Variants in PLA2G4C observed in about 807,000 individuals in gnomAD.
PLA2G4C encodes the protein phospholipase A2 group IVC.
PLA2G4C carries 64 observed loss-of-function variants against 73.8 expected under a neutral mutation model. The ratio of observed to expected loss-of-function variants is 0.87; its 90% confidence interval spans 0.71 to 1.07. PLA2G4C has a LOEUF of 1.07. PLA2G4C is among the 50% of genes least tolerant of loss of function. The pLI is 0.00. For synonymous variants in PLA2G4C, 254 were observed against 252.1 expected (o/e 1.01, Z -0.07); for missense variants, 622 against 665.4 (o/e 0.93, Z 0.72).
Position 48,062,129 on chromosome 19 carries a change from T to C in PLA2G4C, c.1126A>G (p.Ser376Gly), listed in dbSNP as rs1968207665. ...ACCAGGTGGAGGTGCTTCCGGCTGC[T>C]CATTATCTTGTCCCGGATGCCACCT... ...KHGGIRDKIM[S>G]SRKHLHLVDA... Residue 376 changes from serine (S) to glycine (G), a missense_variant, in exon 14 of 17, where the codon AGC becomes GGC. Physicochemically the swap from Ser to Gly is moderately conservative, Grantham distance 56. Coordinates refer to ENST00000599921, the MANE Select transcript of PLA2G4C (RefSeq NM_003706.3). 1.3e-6 allele frequency: 2 copies of C among 1,594,794 alleles called. No individual in the cohort carries two copies. Among genetic ancestry groups the C allele is most frequent in the Non-Finnish European group, 1.7e-6 (2 of 1,169,716 alleles).
intron 4 of PLA2G4C, among the ~76,000 whole-genome samples, chr19:48,102,189 C>T (rs1169826368): frequency 6.6e-6 from 1 of 151,910 alleles, no homozygotes; most frequent in Non-Finnish European, 1.5e-5. Context: ...CTTGAAGAGG[C>T]TACTAGAAAA....
At chr19:48,092,608 C>T (rs142746370) in intron 7 of PLA2G4C, among the ~76,000 whole-genome samples, 2 of 152,314 alleles carry the variant, frequency 1.3e-5, no homozygotes, top group Non-Finnish European at 2.9e-5. Context: ...CATGGTACAA[C>T]ATGGATGAAC....
Position 48,048,101 on chromosome 19 carries a change from A to T in PLA2G4C, c.*242T>A. 1 of 516,540 alleles carries T rather than the reference A, an allele frequency of 1.9e-6. No homozygotes were observed. The allele number at this position is 516,540 out of a possible 1,614,324, so 32.0% of individuals were successfully genotyped here. On this transcript the variant is annotated 3_prime_UTR_variant, in exon 17 of 17. Coordinates refer to ENST00000599921, the MANE Select transcript of PLA2G4C (RefSeq NM_003706.3). ...CAGACACTCATGCTCCAGCTCCAGG[A>T]TCTCCCGAGGGACCTGCAGGACAAA...
intron 7 of PLA2G4C, among the ~76,000 whole-genome samples, chr19:48,094,940 A>C (rs754824477): frequency 3.2e-4 from 49 of 152,104 alleles, no homozygotes; most frequent in Middle Eastern, 3.2e-3. Context: ...GCTGGAGTGC[A>C]GTGGGGCGAT....
intron 5 of PLA2G4C, among the ~76,000 whole-genome samples, chr19:48,098,713 TAAAAAAAAAAAAAAAAAAAAAAA>T (rs548688675): frequency 0.15 from 4,597 of 31,340 alleles, 251 homozygotes; most frequent in South Asian, 0.36. Flanking sequence ...ACCCTATCTC[TAAAAAAAAAAAAAAAAAAAAAAA>T]AAAAAAAAAA....
intron 12 of PLA2G4C, among the ~76,000 whole-genome samples, chr19:48,069,083 T>G (rs1364734514): frequency 6.7e-6 from 1 of 150,362 alleles, no homozygotes; most frequent in Non-Finnish European, 1.5e-5. Context: ...TAAAAGCCTA[T>G]AGTTGAAGCC....
At chr19:48,060,808 G>T (rs1301182559) in intron 14 of PLA2G4C, among the ~76,000 whole-genome samples, 1 of 152,110 alleles carries the variant, frequency 6.6e-6, no homozygotes, top group African/African-American at 2.4e-5. Flanking sequence ...ATCATGGTAT[G>T]GGGAGGAGGA....
At chr19:48,094,050 G>A (rs2031448419) in intron 7 of PLA2G4C, among the ~76,000 whole-genome samples, 1 of 152,096 alleles carries the variant, frequency 6.6e-6, no homozygotes. Context: ...CCAGTCTCGG[G>A]TAGTATCTTT....
In PLA2G4C at chr19:48,095,562, G is replaced by A. The variant is rs865898421; in HGVS notation, c.611C>T (p.Ala204Val). The change falls in exon 7 of 17, where the codon GCA becomes GTA. Residue 204 changes from alanine (A) to valine (V), a missense_variant. Transcript: ENST00000599921. ...EFTPHHAGFS[A>V]LGAFVSITHF... Reference sequence around the variant, plus strand: ...GGTTATGGAAACAAAGGCCCCCAGTGCAGAGAAGCCAGCGTGGTGAGGGGT... The same window carrying A: ...GGTTATGGAAACAAAGGCCCCCAGTACAGAGAAGCCAGCGTGGTGAGGGGT... 3.7e-6 allele frequency: 6 copies of A among 1,613,918 alleles called. No homozygotes were observed. The highest frequency in any genetic ancestry group is 5.1e-6 in the Non-Finnish European group (6 of 1,179,914).
chr19:48,109,465 T>A (rs1194852389), intron 1 of PLA2G4C, among the ~76,000 whole-genome samples: 3 of 151,898 alleles, frequency 2.0e-5, no homozygotes, highest in Non-Finnish European at 4.4e-5. Context: ...AGAGATCAGG[T>A]CTTGTTATGT....
chr19:48,074,057 G>T (rs929342201), intron 12 of PLA2G4C, among the ~76,000 whole-genome samples: 1 of 152,038 alleles, frequency 6.6e-6, no homozygotes, highest in African/African-American at 2.4e-5. Flanking sequence ...TGCCATGGCG[G>T]TTTGCTGCAC....
chr19:48,106,591 G>A (rs1408831805), intron 1 of PLA2G4C, 30 bp from the exon 2 acceptor site: 1 of 1,598,310 alleles, frequency 6.3e-7, no homozygotes, highest in Admixed American at 1.7e-5. Context: ...TCTTAGTCCT[G>A]TGCCCACTGT....
At chr19:48,063,009 G>A (rs1968251270) in intron 13 of PLA2G4C, among the ~76,000 whole-genome samples, 1 of 152,052 alleles carries the variant, frequency 6.6e-6, no homozygotes, top group Non-Finnish European at 1.5e-5. Flanking sequence ...AAGCAGGGAG[G>A]GGGCTTCCAG....
At chr19:48,058,464 T>C (rs1384315504) in intron 14 of PLA2G4C, among the ~76,000 whole-genome samples, 1 of 152,134 alleles carries the variant, frequency 6.6e-6, no homozygotes, top group African/African-American at 2.4e-5. Flanking sequence ...AACAGAAATA[T>C]CATGAAGGTG....
intron 8 of PLA2G4C, among the ~76,000 whole-genome samples, chr19:48,089,829 A>T (rs2031193818): frequency 6.6e-6 from 1 of 152,082 alleles, no homozygotes; most frequent in Non-Finnish European, 1.5e-5. Flanking sequence ...TCTCCTATAG[A>T]TCCCCGCGTC....
At chr19:48,073,931 C>T (rs1350332055) in intron 12 of PLA2G4C, among the ~76,000 whole-genome samples, 1 of 152,042 alleles carries the variant, frequency 6.6e-6, no homozygotes, top group Non-Finnish European at 1.5e-5. Context: ...CACCAGGCCC[C>T]ACCTCCAACA....
chr19:48,056,822 G>C (rs1470000242), intron 14 of PLA2G4C, among the ~76,000 whole-genome samples: 3 of 114,906 alleles, frequency 2.6e-5, no homozygotes, highest in South Asian at 3.3e-4. Context: ...ACAAGAACGA[G>C]ACTCTGTCTC....
chr19:48,098,828 G>A (rs2031752185), intron 5 of PLA2G4C, among the ~76,000 whole-genome samples: 1 of 150,606 alleles, frequency 6.6e-6, no homozygotes, highest in Admixed American at 6.7e-5. Flanking sequence ...CTTGAGCCCA[G>A]GAGGTCAAGG....
chr19:48,075,309 G>C lies in PLA2G4C; in HGVS notation c.899-435C>G, dbSNP rs1270211166. 2.0e-5 allele frequency among the ~76,000 whole-genome samples: 3 copies of C among 151,672 alleles called. No individual in the cohort carries two copies. The East Asian group carries it at 5.8e-4, about 29-fold the overall frequency. On this transcript the variant is annotated intron_variant, in intron 11 of 16. Coordinates refer to ENST00000599921, the MANE Select transcript of PLA2G4C (RefSeq NM_003706.3). ...AGAAATTCCCCTGGCTCAGCCTCTGGAGTATCTGGGACTACAGGCACGCAC... is the reference window on the plus strand; with the variant it reads ...AGAAATTCCCCTGGCTCAGCCTCTGCAGTATCTGGGACTACAGGCACGCAC...
Sources: allele counts gnomAD v4.1 joint callset (sites outside exome capture counted in the v4.1 genomes callset), GRCh38; gene constraint gnomAD v4.1.1; transcripts MANE v1.5; gene names NCBI Gene and HGNC (gene_info 2026-07-23, HGNC 2026-07-21).